The following OPCML variants were observed in gnomAD, a reference collection of about 807,000 sequenced individuals.
OPCML encodes opioid-binding protein/cell adhesion molecule.
OPCML carries 13 observed loss-of-function variants against 37.8 expected under a neutral mutation model. The observed-to-expected ratio is 0.34, with a 90% CI of 0.22 to 0.55. The LOEUF (loss-of-function observed/expected upper bound fraction) is 0.55. OPCML is among the 20% of genes least tolerant of loss of function. OPCML has a pLI of 0.91. For missense variants in OPCML, 341 were observed against 435.6 expected (o/e 0.78, Z 1.93); for synonymous variants, 176 against 168.8 (o/e 1.04, Z -0.33).
chr11:132,779,653 G>T (rs77230470), intron 2 of OPCML, among the ~76,000 whole-genome samples: 1 of 152,070 alleles, frequency 6.6e-6, no homozygotes, highest in African/African-American at 2.4e-5. Flanking sequence ...GGACTGCCCA[G>T]ACTCTCTGCA....
intron 2 of OPCML, among the ~76,000 whole-genome samples, chr11:132,661,757 A>G (rs894868456): frequency 2.0e-5 from 3 of 152,248 alleles, no homozygotes; most frequent in African/African-American, 7.2e-5. Context: ...AGTAACCTCT[A>G]AAATTATATA....
intron 4 of OPCML, among the ~76,000 whole-genome samples, chr11:132,457,311 C>A (rs534996781): frequency 4.6e-5 from 7 of 152,142 alleles, no homozygotes; most frequent in Non-Finnish European, 8.8e-5. Flanking sequence ...GGTAATAAGA[C>A]CAATAACACA....
Position 132,663,008 on chromosome 11 carries a change from A to C in OPCML, c.147-5689T>G, listed in dbSNP as rs1942050418. On this transcript the variant is annotated intron_variant, in intron 2 of 7. Coordinates refer to ENST00000524381, the MANE Select transcript of OPCML (RefSeq NM_001012393.5). ...CTCCTTTGTTACGGTAATAATACCT[A>C]AAACAGGGTGCATACCTTTGTGTTT... Among the ~76,000 whole-genome samples, 2 of 152,266 alleles carry C rather than the reference A, an allele frequency of 1.3e-5. 1 individual carries two copies. Among genetic ancestry groups the C allele is most frequent in the South Asian group, 4.1e-4 (2 of 4,834 alleles).
intron 4 of OPCML, among the ~76,000 whole-genome samples, chr11:132,507,108 G>GT (rs1370468257): frequency 2.5e-5 from 3 of 119,432 alleles, no homozygotes; most frequent in South Asian, 3.1e-4. Flanking sequence ...ACATTAAATT[G>GT]TAAAAAAAAA....
chr11:132,596,366 T>G (rs2096492476), intron 3 of OPCML, among the ~76,000 whole-genome samples: 2 of 152,244 alleles, frequency 1.3e-5, no homozygotes, highest in Admixed American at 1.3e-4. Context: ...CTTTTTCTTT[T>G]TTTTTAACAA....
chr11:132,951,329 A>G (rs984780790), intron 1 of OPCML, among the ~76,000 whole-genome samples: 8 of 152,138 alleles, frequency 5.3e-5, no homozygotes, highest in African/African-American at 1.7e-4. Flanking sequence ...CAGCGTGAAC[A>G]TGCTCCGACG....
At chr11:132,546,536 A>T (rs946491291) in intron 3 of OPCML, among the ~76,000 whole-genome samples, 1 of 152,108 alleles carries the variant, frequency 6.6e-6, no homozygotes, top group African/African-American at 2.4e-5. Flanking sequence ...ATGATCCAAC[A>T]TCCTTTTTAG....
At chr11:132,694,764 A>T (rs1225587763) in intron 2 of OPCML, among the ~76,000 whole-genome samples, 1 of 152,150 alleles carries the variant, frequency 6.6e-6, no homozygotes, top group East Asian at 1.9e-4. Flanking sequence ...GAAGATGGGT[A>T]TCTGCCCAAG....
intron 4 of OPCML, among the ~76,000 whole-genome samples, chr11:132,512,240 G>A (rs2096270375): frequency 6.6e-6 from 1 of 152,016 alleles, no homozygotes; most frequent in Non-Finnish European, 1.5e-5. Context: ...CTGTGGAACA[G>A]CTATAGTGCT....
At chr11:133,330,800 C>A (rs560331025) in intron 1 of OPCML, among the ~76,000 whole-genome samples, 11 of 152,124 alleles carry the variant, frequency 7.2e-5, no homozygotes, top group South Asian at 2.1e-4. Flanking sequence ...CAAACCTGCA[C>A]GTTGTGCACA....
intron 2 of OPCML, among the ~76,000 whole-genome samples, chr11:132,725,377 G>A (rs1297160875): frequency 1.3e-5 from 2 of 152,172 alleles, no homozygotes; most frequent in Admixed American, 6.5e-5. Context: ...CAAGTCCTTA[G>A]GATGCACACA....
intron 2 of OPCML, among the ~76,000 whole-genome samples, chr11:132,789,253 C>T (rs1480527072): frequency 5.9e-5 from 9 of 152,322 alleles, no homozygotes; most frequent in Admixed American, 2.0e-4. Flanking sequence ...TCATGTCTGG[C>T]TTCAGGAGGG....
chr11:133,510,739 G>T (rs1324685395), intron 1 of OPCML, among the ~76,000 whole-genome samples: 1 of 152,140 alleles, frequency 6.6e-6, no homozygotes, highest in Non-Finnish European at 1.5e-5. Context: ...AACTCGTCAT[G>T]CCTCCATGTA....
intron 3 of OPCML, among the ~76,000 whole-genome samples, chr11:132,613,500 G>C (rs2846400): frequency 3.3e-5 from 5 of 151,926 alleles, no homozygotes; most frequent in African/African-American, 1.2e-4. Context: ...GGAGAATTCC[G>C]TGGGATTCTT....
chr11:132,687,205 A>G (rs756797985), intron 2 of OPCML, among the ~76,000 whole-genome samples: 8 of 151,170 alleles, frequency 5.3e-5, no homozygotes, highest in Non-Finnish European at 8.9e-5. Context: ...TCACCAGGGG[A>G]CCAAATTTTT....
chr11:132,651,640 A>G (rs1017689048), intron 3 of OPCML, among the ~76,000 whole-genome samples: 10 of 152,192 alleles, frequency 6.6e-5, no homozygotes, highest in Non-Finnish European at 1.3e-4. Context: ...AGTGCACCCA[A>G]TGCTGAGGTT....
chr11:132,508,494 T>TCA (rs58523074), intron 4 of OPCML, among the ~76,000 whole-genome samples: 3 of 151,884 alleles, frequency 2.0e-5, no homozygotes, highest in African/African-American at 4.8e-5. Context: ...GAAGATCTAG[T>TCA]CACACACACA....
chr11:133,200,211 C>G (rs192628387), intron 1 of OPCML, among the ~76,000 whole-genome samples: 13 of 152,316 alleles, frequency 8.5e-5, no homozygotes, highest in Admixed American at 8.5e-4. Context: ...GCAAACAAGA[C>G]CTCTCTCCTT....
At chr11:132,957,086 A>C (rs1945990511) in intron 1 of OPCML, among the ~76,000 whole-genome samples, 1 of 152,208 alleles carries the variant, frequency 6.6e-6, no homozygotes, top group Non-Finnish European at 1.5e-5. Flanking sequence ...AGCTATGATC[A>C]TGCCACTGTA....
Sources: allele counts gnomAD v4.1 joint callset (sites outside exome capture counted in the v4.1 genomes callset), GRCh38; gene constraint gnomAD v4.1.1; transcripts MANE v1.5; gene names NCBI Gene and HGNC (gene_info 2026-07-23, HGNC 2026-07-21).